MBTPS2: variants seen among roughly 807,000 people sequenced by gnomAD.
MBTPS2 encodes membrane bound transcription factor peptidase, site 2.
MBTPS2 carries 2 observed loss-of-function variants against 35.4 expected under a neutral mutation model. That is an observed-to-expected ratio of 0.06 (90% CI 0.02 to 0.18). The LOEUF is 0.18. Ranked by LOEUF, MBTPS2 falls within the 10% of genes least tolerant of loss-of-function variation. MBTPS2 has a pLI of 1.00. For missense variants in MBTPS2, 244 were observed against 386.5 expected, an observed-to-expected ratio of 0.63 and a Z score of 3.09; for synonymous variants, 125 against 140.4, an observed-to-expected ratio of 0.89 and a Z score of 0.77.
chrX:21,884,535 T>C lies in MBTPS2; in HGVS notation c.*1880T>C. 4.0e-6 allele frequency: 3 copies of C among 754,092 alleles called. No individual in the cohort carries two copies. Among genetic ancestry groups the C allele is most frequent in the Non-Finnish European group, 4.7e-6 (3 of 638,976 alleles). 62.1% of individuals were successfully genotyped at this position (754,092 alleles called of 1,213,427 possible). On this transcript the variant is annotated 3_prime_UTR_variant, in exon 11 of 11. Coordinates refer to ENST00000379484, the MANE Select transcript of MBTPS2 (RefSeq NM_015884.4). Reference sequence around the variant, plus strand: ...CCCAAATCTCATTTTATTTCAACTGTTAAACATTTTGATCTGTTGACCCAT... The same window carrying C: ...CCCAAATCTCATTTTATTTCAACTGCTAAACATTTTGATCTGTTGACCCAT...
chrX:21,856,418 C>T lies in MBTPS2; in HGVS notation c.670+2915C>T, dbSNP rs1238461713. 3 of 1,126,494 alleles carry T rather than the reference C, an allele frequency of 2.7e-6. No individual in the cohort carries two copies. The African/African-American group carries it at 5.5e-5, about 21-fold the overall frequency. 92.8% of individuals were successfully genotyped at this position (1,126,494 alleles called of 1,213,427 possible). On this transcript the variant is annotated intron_variant, in intron 5 of 10. Transcript: ENST00000379484. ...TCGCCCCTTCCTCTGCAGCTCCCAC[C>T]TCACTCCCCTCAGCGTTCTTTTTCC... is the stretch of plus-strand genomic sequence containing the variant.
intron 5 of MBTPS2, chrX:21,856,679 C>T: frequency 8.3e-7 from 1 of 1,211,968 alleles, no homozygotes; most frequent in Non-Finnish European, 1.1e-6. Flanking sequence ...TGCAGCCGCT[C>T]TTCACGAACA....
Position 21,883,297 on chromosome X carries a change from T to A in MBTPS2, c.*642T>A. 1 of 755,981 alleles carries A rather than the reference T, an allele frequency of 1.3e-6. No homozygotes were observed. The highest frequency in any genetic ancestry group is 1.6e-6 in the Non-Finnish European group (1 of 640,447). 62.3% of individuals were successfully genotyped at this position (755,981 alleles called of 1,213,427 possible). A position where few individuals can be genotyped will look rare whatever the true frequency, so the allele number is the denominator to read the frequency against. On this transcript the variant is annotated 3_prime_UTR_variant, in exon 11 of 11. Coordinates refer to ENST00000379484, the MANE Select transcript of MBTPS2 (RefSeq NM_015884.4). ...AGGGCCTATGATATCGTGAGACATG[T>A]TTTGCCCCACAAGAGTTGCATCTTT...
chrX:21,852,992 G>A (rs781742608), intron 4 of MBTPS2, among the ~76,000 whole-genome samples: 2 of 110,507 alleles, frequency 1.8e-5, no homozygotes, highest in South Asian at 3.7e-4. Flanking sequence ...GAATTATATC[G>A]TCTCCTATGT....
rs2092900389 is a variant in MBTPS2, at chrX:21,839,647, G to C, written c.-88G>C. Reference sequence around the variant, plus strand: ...TAGCTTGGTTCCTGAGCGGATGCTGGGGCTGTAAGGCGCGCGCGGTCAGCT... The same window carrying C: ...TAGCTTGGTTCCTGAGCGGATGCTGCGGCTGTAAGGCGCGCGCGGTCAGCT... On this transcript the variant is annotated 5_prime_UTR_variant, in exon 1 of 11. Transcript: ENST00000379484. 21 of 968,753 alleles carry C rather than the reference G, an allele frequency of 2.2e-5. No individual in the cohort carries two copies. Among genetic ancestry groups the C allele is most frequent in the Non-Finnish European group, 3.0e-5 (21 of 693,934 alleles). 79.8% of individuals were successfully genotyped at this position (968,753 alleles called of 1,213,427 possible).
chrX:21,881,550 C>T (rs1041296225), intron 10 of MBTPS2, among the ~76,000 whole-genome samples: 3 of 111,244 alleles, frequency 2.7e-5, no homozygotes, highest in African/African-American at 9.8e-5. Flanking sequence ...TTATTTTTGT[C>T]GCTTTTAAAT....
chrX:21,851,720 C>G, intron 4 of MBTPS2, 108 bp downstream of exon 4: 1 of 583,593 alleles, frequency 1.7e-6, no homozygotes, highest in Non-Finnish European at 3.0e-6. Context: ...ATTTTTCTTT[C>G]TGCGGCTATT....
intron 5 of MBTPS2, among the ~76,000 whole-genome samples, chrX:21,865,017 G>A (rs768925353): frequency 1.3e-4 from 14 of 105,297 alleles, no homozygotes; most frequent in African/African-American, 4.8e-4. Flanking sequence ...CAAGTCGCTG[G>A]CACCACAGGT....
intron 1 of MBTPS2, 56 bp downstream of exon 1, chrX:21,839,865 G>A (rs1205211730): frequency 3.7e-6 from 4 of 1,092,566 alleles, no homozygotes; most frequent in Non-Finnish European, 5.0e-6. Flanking sequence ...GGAGCGCAAG[G>A]CCTTCTTTTC....
intron 5 of MBTPS2, 118 bp from the exon 6 acceptor site, chrX:21,868,349 C>T: frequency 3.5e-6 from 2 of 565,883 alleles, no homozygotes; most frequent in Admixed American, 4.5e-5. Flanking sequence ...ATTTTTGCCT[C>T]ATTGCTTCTT....
rs750574569 is a variant in MBTPS2 at position 21,853,445 on chromosome X, G to C, written c.612G>C (p.Leu204=). The change falls in exon 5 of 11, where the codon CTG becomes CTC. Residue 204 remains leucine, a synonymous_variant. Coordinates refer to ENST00000379484, the MANE Select transcript of MBTPS2 (RefSeq NM_015884.4). ...TTTATCCTGGAGCATTTGTTGATCT[G>C]TTCACCACTCATTTGCAACTTATAT... is the stretch of plus-strand genomic sequence containing the variant. ...FIIYPGAFVD[L]FTTHLQLISP... is the part of the protein sequence containing the mutation. 8.3e-7 allele frequency: 1 copy of C among 1,200,425 alleles called. No homozygotes were observed. The highest frequency in any genetic ancestry group is 1.8e-5 in the African/African-American group (1 of 56,951).
At chrX:21,860,102 A>C (rs1467403709) in intron 5 of MBTPS2, among the ~76,000 whole-genome samples, 1 of 103,540 alleles carries the variant, frequency 9.7e-6, no homozygotes, top group Non-Finnish European at 2.0e-5. Context: ...AAAAAAAAAA[A>C]AAAAAAGAGA....
intron 3 of MBTPS2, among the ~76,000 whole-genome samples, chrX:21,848,277 G>A (rs766746537): frequency 4.6e-5 from 5 of 108,918 alleles, no homozygotes; most frequent in Admixed American, 9.8e-5. Context: ...AAATTAGCCG[G>A]GTGTAGTGGC....
chrX:21,855,504 T>A (rs372444326), intron 5 of MBTPS2, among the ~76,000 whole-genome samples: 9 of 109,968 alleles, frequency 8.2e-5, no homozygotes, highest in African/African-American at 3.0e-4. Context: ...TGATCTAGGC[T>A]CACTGCAACC....
rs775825575 is a variant in MBTPS2 at position 21,885,327 on chromosome X, G to GTAAT, written c.*2674_*2677dup. 4.0e-6 allele frequency: 3 copies of GTAAT among 748,536 alleles called. No homozygotes were observed. In the East Asian group the frequency reaches 4.6e-4, roughly 114 times the overall value. The allele number at this position is 748,536 out of a possible 1,213,427, so 61.7% of individuals were successfully genotyped here. ...TTTCTATAAATCTTCTGACTGTCCT[G>GTAAT]TAATTCATTCTTAAGCTTTAACTTG... On this transcript the variant is annotated 3_prime_UTR_variant, in exon 11 of 11. Transcript: ENST00000379484.
intron 5 of MBTPS2, among the ~76,000 whole-genome samples, chrX:21,864,517 A>G (rs1376867722): frequency 8.9e-6 from 1 of 111,973 alleles, no homozygotes; most frequent in Non-Finnish European, 1.9e-5. Flanking sequence ...TTATAATGCT[A>G]CTTTTAAAGA....
intron 9 of MBTPS2, among the ~76,000 whole-genome samples, chrX:21,880,345 A>G (rs180871253): frequency 3.3e-4 from 37 of 111,697 alleles, no homozygotes; most frequent in South Asian, 7.4e-4. Context: ...GTTTGACACT[A>G]AATTACTGTA....
chrX:21,856,280 C>T (rs1056169851), intron 5 of MBTPS2: 2 of 287,090 alleles, frequency 7.0e-6, no homozygotes, highest in South Asian at 4.8e-5. Context: ...TCCTCAGTCT[C>T]GCGCCTTTCT....
At chrX:21,843,050 T>C (rs2092904449) in intron 1 of MBTPS2, 120 bp from the exon 2 acceptor site, 1 of 597,400 alleles carries the variant, frequency 1.7e-6, no homozygotes, top group Admixed American at 2.6e-5. Flanking sequence ...GCTTTAAGAT[T>C]ATAAACATTT....
Sources: gnomAD v4.1 joint callset for allele counts (sites outside exome capture counted in the v4.1 genomes callset) on GRCh38, gnomAD v4.1.1 for gene constraint, MANE v1.5 for transcripts, NCBI Gene and HGNC (gene_info 2026-07-23, HGNC 2026-07-21) for gene names.